DIAPH2: variants seen among roughly 807,000 people sequenced by gnomAD.
DIAPH2 encodes protein diaphanous homolog 2.
In DIAPH2, 35 loss-of-function variants were observed where a neutral mutation model predicts 92.7. That is an observed-to-expected ratio of 0.38 (90% CI 0.29 to 0.50). The LOEUF is 0.50. Ranked by LOEUF, DIAPH2 falls within the 20% of genes least tolerant of loss-of-function variation. DIAPH2 has a pLI of 0.94. For synonymous variants in DIAPH2, 301 were observed against 280.4 expected (o/e 1.07, Z -0.73); for missense variants, 701 against 819.5 (o/e 0.86, Z 1.77).
At chrX:96,690,073 G>A (rs1456684498) in intron 1 of DIAPH2, among the ~76,000 whole-genome samples, 1 of 109,178 alleles carries the variant, frequency 9.2e-6, no homozygotes, top group Non-Finnish European at 1.9e-5. Context: ...TTGAAACTCA[G>A]TAAACTTCTT....
At chrX:97,003,881 G>A (rs2066161628) in intron 17 of DIAPH2, among the ~76,000 whole-genome samples, 1 of 111,691 alleles carries the variant, frequency 9.0e-6, no homozygotes, top group East Asian at 2.8e-4. Flanking sequence ...TCTTTGCCTA[G>A]TCCAGTGTCC....
intron 17 of DIAPH2, among the ~76,000 whole-genome samples, chrX:97,037,441 G>A (rs1179087455): frequency 9.0e-6 from 1 of 111,338 alleles, no homozygotes; most frequent in Non-Finnish European, 1.9e-5. Context: ...ATTGCCTTGG[G>A]GGATATTTTC....
intron 7 of DIAPH2, 35 bp from the exon 8 acceptor site, chrX:96,916,403 C>G: frequency 9.4e-7 from 1 of 1,067,797 alleles, no homozygotes; most frequent in Non-Finnish European, 1.2e-6. Context: ...ATTCCATAGA[C>G]ATTCTGAATG....
In DIAPH2 at chrX:97,309,013, C is replaced by T. The variant is rs184696351; in HGVS notation, c.2845-39103C>T. 3.3e-4 allele frequency among the ~76,000 whole-genome samples: 36 copies of T among 108,394 alleles called. 1 individual carries two copies. The highest frequency in any genetic ancestry group is 1.1e-3 in the African/African-American group (33 of 30,037). 94.1% of individuals were successfully genotyped at this position (108,394 alleles called of 115,157 possible). A position where few individuals can be genotyped will look rare whatever the true frequency, so the allele number is the denominator to read the frequency against. On this transcript the variant is annotated intron_variant, in intron 23 of 26. Coordinates refer to ENST00000324765, the MANE Select transcript of DIAPH2 (RefSeq NM_006729.5). ...AGCCTGGGGAACAAGAGTGAAACTC[C>T]GTCTCAAAAAAACAAAACAAAACAA...
At chrX:97,294,861 C>T (rs752752141) in intron 23 of DIAPH2, among the ~76,000 whole-genome samples, 8 of 111,485 alleles carry the variant, frequency 7.2e-5, no homozygotes, top group Non-Finnish European at 1.5e-4. Flanking sequence ...CTTTTGTGTA[C>T]GAAACACTTC....
In DIAPH2 at chrX:97,137,270, CATATATATATATATAT is replaced by C. The variant is rs57799375; in HGVS notation, c.2590-4378_2590-4363del. On this transcript the variant is annotated intron_variant, in intron 21 of 26. Transcript: ENST00000324765. ...GGGGTCATATATAAACGCAGTTATA[CATATATATATATATAT>C]ATATATATATATATATGTATAGAAT... Among the ~76,000 whole-genome samples, 250 of 68,256 alleles carry C rather than the reference CATATATATATATATAT, an allele frequency of 3.7e-3. 2 individuals carry two copies. Among genetic ancestry groups the C allele is most frequent in the African/African-American group, 0.014 (229 of 16,006 alleles). The allele number at this position is 68,256 out of a possible 115,157, so 59.3% of individuals were successfully genotyped here. A position where few individuals can be genotyped will look rare whatever the true frequency, so the allele number is the denominator to read the frequency against.
rs150725544 is a variant in DIAPH2, at chrX:96,774,604, C to T, written c.447+16346C>T. On this transcript the variant is annotated intron_variant, in intron 4 of 26. Coordinates refer to ENST00000324765, the MANE Select transcript of DIAPH2 (RefSeq NM_006729.5). ...CAATTTAAATGTGAGGAAAAAGATACATAAATATTAGAAAGAATCCCATTT... is the reference window on the plus strand; with the variant it reads ...CAATTTAAATGTGAGGAAAAAGATATATAAATATTAGAAAGAATCCCATTT... 1.6e-3 allele frequency among the ~76,000 whole-genome samples: 178 copies of T among 111,946 alleles called. 2 individuals carry two copies. Among genetic ancestry groups the T allele is most frequent in the African/African-American group, 5.5e-3 (170 of 30,869 alleles).
At chrX:97,306,324 G>A (rs1053242628) in intron 23 of DIAPH2, among the ~76,000 whole-genome samples, 3 of 111,322 alleles carry the variant, frequency 2.7e-5, no homozygotes, top group African/African-American at 9.8e-5. Flanking sequence ...GCTTCAGGGG[G>A]CAGGGCCATT....
chrX:97,337,521 C>T (rs750090202), intron 23 of DIAPH2, among the ~76,000 whole-genome samples: 118 of 111,336 alleles, frequency 1.1e-3, no homozygotes, highest in African/African-American at 2.0e-3. Flanking sequence ...TGTGAAGAGG[C>T]GCCTTCCACC....
Position 97,269,925 on chromosome X carries a change from CGTTTTGTTTT to C in DIAPH2, c.2844+22097_2844+22106del, listed in dbSNP as rs1240696890. 8.4e-5 allele frequency among the ~76,000 whole-genome samples: 9 copies of C among 107,157 alleles called. No individual in the cohort carries two copies. In the East Asian group the frequency reaches 2.7e-3, roughly 32 times the overall value. 93.1% of individuals were successfully genotyped at this position (107,157 alleles called of 115,157 possible). ...GTGCCACCATGCCTGGCTAATTTTG[CGTTTTGTTTT>C]GTTTTGTTTTTTGAAATGGAGTTCC... On this transcript the variant is annotated intron_variant, in intron 23 of 26. Coordinates refer to ENST00000324765, the MANE Select transcript of DIAPH2 (RefSeq NM_006729.5).
intron 17 of DIAPH2, among the ~76,000 whole-genome samples, chrX:97,025,454 A>G (rs931878731): frequency 1.8e-5 from 2 of 109,650 alleles, no homozygotes; most frequent in African/African-American, 6.7e-5. Flanking sequence ...AATTGAGACC[A>G]TCCTGGCTAA....
chrX:96,844,132 T>G (rs1179018571), intron 4 of DIAPH2, among the ~76,000 whole-genome samples: 1 of 112,395 alleles, frequency 8.9e-6, no homozygotes, highest in Non-Finnish European at 1.9e-5. Context: ...ATGCACATAC[T>G]CTTTCAGATA....
chrX:97,319,444 A>G (rs1249717680), intron 23 of DIAPH2, among the ~76,000 whole-genome samples: 1 of 106,987 alleles, frequency 9.3e-6, no homozygotes, highest in Non-Finnish European at 1.9e-5. Flanking sequence ...GCCAGACTGC[A>G]GTGGCGCTAT....
intron 23 of DIAPH2, among the ~76,000 whole-genome samples, chrX:97,295,594 G>A (rs897038819): frequency 1.8e-5 from 2 of 111,559 alleles, no homozygotes; most frequent in Non-Finnish European, 3.8e-5. Flanking sequence ...GAGGCACAGA[G>A]AAATTAGGGA....
intron 4 of DIAPH2, among the ~76,000 whole-genome samples, chrX:96,778,724 AATTTC>A (rs1466807975): frequency 1.8e-5 from 2 of 111,822 alleles, no homozygotes; most frequent in Admixed American, 9.5e-5. Flanking sequence ...CTTAAAAAAA[AATTTC>A]ATTTCATTAA....
At chrX:97,304,607 G>A (rs1330682469) in intron 23 of DIAPH2, among the ~76,000 whole-genome samples, 1 of 112,440 alleles carries the variant, frequency 8.9e-6, no homozygotes, top group Non-Finnish European at 1.9e-5. Flanking sequence ...ACATATCTCT[G>A]TGATGGTGTT....
At chrX:96,959,282 C>T (rs73250767) in intron 16 of DIAPH2, among the ~76,000 whole-genome samples, 1,239 of 111,523 alleles carry the variant, frequency 0.011, 9 homozygotes, top group Middle Eastern at 0.042. Context: ...CACATCTTTG[C>T]CAGCATTTTG....
In DIAPH2 at chrX:97,506,138, CTTTTTTTTTTTTTTTT is replaced by C. The variant is rs11385451; in HGVS notation, c.3241+76407_3241+76422del. 1.4e-4 allele frequency among the ~76,000 whole-genome samples: 4 copies of C among 28,110 alleles called. No individual in the cohort carries two copies. In the Admixed American group the frequency reaches 3.2e-3, roughly 23 times the overall value. The allele number at this position is 28,110 out of a possible 115,157, so 24.4% of individuals were successfully genotyped here. A position where few individuals can be genotyped will look rare whatever the true frequency, so the allele number is the denominator to read the frequency against. ...CATAATGTTTCTGGCTATCTAGTGC[CTTTTTTTTTTTTTTTT>C]TTTTTTTTTTTTTGAGATGGAGTCT... is the stretch of plus-strand genomic sequence containing the variant. On this transcript the variant is annotated intron_variant, in intron 26 of 26. Coordinates refer to ENST00000324765, the MANE Select transcript of DIAPH2 (RefSeq NM_006729.5).
At chrX:97,583,047 G>C (rs1327037513) in intron 26 of DIAPH2, among the ~76,000 whole-genome samples, 1 of 111,459 alleles carries the variant, frequency 9.0e-6, no homozygotes, top group African/African-American at 3.3e-5. Flanking sequence ...GCACTTCTCT[G>C]TATTGGTTAT....
Sources: allele counts gnomAD v4.1 joint callset (sites outside exome capture counted in the v4.1 genomes callset), GRCh38; gene constraint gnomAD v4.1.1; transcripts MANE v1.5; gene names NCBI Gene and HGNC (gene_info 2026-07-23, HGNC 2026-07-21).